Variants in MYCBP2 observed in about 807,000 individuals in gnomAD.
MYCBP2 encodes the protein MYC binding protein 2, also known as E3 ubiquitin-protein ligase MYCBP2.
Under a neutral mutation model 525.3 loss-of-function variants are expected in MYCBP2, and 120 were observed. The observed-to-expected ratio is 0.23, with a 90% CI of 0.20 to 0.27. The LOEUF is 0.27. Among genes scored for constraint, MYCBP2 ranks in the 10% least tolerant of loss-of-function variants. The pLI is 1.00. For synonymous variants in MYCBP2, 1,894 were observed against 1,955.8 expected (o/e 0.97, Z 0.83); for missense variants, 4,149 against 5,657.1 (o/e 0.73, Z 8.55).
chr13:77,052,180 T>C (rs1165091483), intron 80 of MYCBP2, among the ~76,000 whole-genome samples: 1 of 152,090 alleles, frequency 6.6e-6, no homozygotes, highest in Admixed American at 6.6e-5. Flanking sequence ...TTCCCTTCTC[T>C]TCTCTTCTCC....
At chr13:77,302,348 T>C (rs2078893993) in intron 1 of MYCBP2, among the ~76,000 whole-genome samples, 2 of 132,338 alleles carry the variant, frequency 1.5e-5, no homozygotes, top group Admixed American at 1.7e-4. Flanking sequence ...ATTGATAGTT[T>C]CCATTCTTTG....
rs766600295 is a variant in MYCBP2, at chr13:77,067,598, C to T, written c.12438G>A (p.Pro4146=). The change falls in exon 71 of 83, where the codon CCG becomes CCA. Residue 4146 remains proline, a synonymous_variant. Coordinates refer to ENST00000544440, the MANE Select transcript of MYCBP2 (RefSeq NM_015057.5). ...TAACTAACCTGGAATTGAAAATCATCGGAAGAGTAACTGTTGTAACTCCTT... is the reference window on the plus strand; with the variant it reads ...TAACTAACCTGGAATTGAAAATCATTGGAAGAGTAACTGTTGTAACTCCTT... ...VGKGVTTVTL[P]MIFNSSYLRR... 123 of 1,613,864 alleles carry T rather than the reference C, an allele frequency of 7.6e-5. No homozygotes were observed. Among genetic ancestry groups the T allele is most frequent in the Non-Finnish European group, 8.4e-5 (99 of 1,179,880 alleles).
chr13:77,274,284 C>G (rs986766220), intron 4 of MYCBP2, among the ~76,000 whole-genome samples: 2 of 152,090 alleles, frequency 1.3e-5, no homozygotes, highest in African/African-American at 4.8e-5. Context: ...AGATGAAACA[C>G]ACACACACAC....
intron 24 of MYCBP2, among the ~76,000 whole-genome samples, chr13:77,206,178 C>T (rs2063314450): frequency 6.6e-6 from 1 of 151,712 alleles, no homozygotes; most frequent in Non-Finnish European, 1.5e-5. Context: ...TAATATATTG[C>T]ACTACATCTC....
At chr13:77,301,448 A>AC (rs1314027597) in intron 1 of MYCBP2, among the ~76,000 whole-genome samples, 4,066 of 113,874 alleles carry the variant, frequency 0.036, 782 homozygotes, top group Non-Finnish European at 0.058. Flanking sequence ...AAAAAAAAAA[A>AC]AGAGGCTGGG....
Position 77,125,395 on chromosome 13 carries a change from C to T in MYCBP2, c.7958G>A (p.Gly2653Glu). 1.2e-6 allele frequency: 2 copies of T among 1,614,032 alleles called. No individual in the cohort carries two copies. Among genetic ancestry groups the T allele is most frequent in the Non-Finnish European group, 1.7e-6 (2 of 1,179,908 alleles). ...SMVEFCESDEGEAWSLARDRG... is the reference protein window; with the variant it reads ...SMVEFCESDEEEAWSLARDRG... ...GTCTCTAGCTAAGGACCATGCCTCTCCTTCATCACTCTCACAGAACTCTAC... is the reference window on the plus strand; with the variant it reads ...GTCTCTAGCTAAGGACCATGCCTCTTCTTCATCACTCTCACAGAACTCTAC... The change falls in exon 54 of 83, where the codon GGA (glycine) becomes GAA (glutamate). Residue 2653 changes from glycine to glutamate, a missense_variant. Around this residue, in one of 21 missense-constraint regions of MYCBP2, gnomAD observed 653 missense variants for 744.7 expected, o/e 0.88. Coordinates refer to ENST00000544440, the MANE Select transcript of MYCBP2 (RefSeq NM_015057.5).
chr13:77,212,009 A>G lies in MYCBP2; in HGVS notation c.3209T>C (p.Ile1070Thr), dbSNP rs772175822. 4 of 1,614,118 alleles carry G rather than the reference A, an allele frequency of 2.5e-6. No individual in the cohort carries two copies. Among genetic ancestry groups the G allele is most frequent in the Non-Finnish European group, 2.5e-6 (3 of 1,179,968 alleles). The change falls in exon 22 of 83, where the codon ATT becomes ACT. Residue 1070 changes from isoleucine (I) to threonine (T), a missense_variant. Ile to Thr is a moderately conservative substitution (Grantham distance 89). Coordinates refer to ENST00000544440, the MANE Select transcript of MYCBP2 (RefSeq NM_015057.5). ...TGATGTAGCAAGTACATGAGAATTAATAAGTGCTTCATCAATTCGTAAAAA... is the reference window on the plus strand; with the variant it reads ...TGATGTAGCAAGTACATGAGAATTAGTAAGTGCTTCATCAATTCGTAAAAA... ...QTFLRIDEAL[I>T]NSHVLATSEI...
At chr13:77,102,172 A>G (rs1442751739) in intron 55 of MYCBP2, among the ~76,000 whole-genome samples, 3 of 151,868 alleles carry the variant, frequency 2.0e-5, no homozygotes. Flanking sequence ...GGATCATACT[A>G]TATCATAATA....
intron 43 of MYCBP2, 67 bp from the exon 44 acceptor site, chr13:77,162,022 T>G (rs1251703033): frequency 9.8e-7 from 1 of 1,017,628 alleles, no homozygotes; most frequent in Non-Finnish European, 1.5e-6. Flanking sequence ...TTTCTAGTCC[T>G]TTGCATTCAT....
At chr13:77,202,978 C>T (rs1049641082) in intron 26 of MYCBP2, among the ~76,000 whole-genome samples, 8 of 151,808 alleles carry the variant, frequency 5.3e-5, no homozygotes, top group Admixed American at 3.3e-4. Flanking sequence ...CCTTTGAAAA[C>T]TGGCACAAGA....
intron 3 of MYCBP2, among the ~76,000 whole-genome samples, chr13:77,286,735 A>G (rs549355772): frequency 5.0e-4 from 48 of 95,164 alleles, no homozygotes; most frequent in Non-Finnish European, 7.1e-4. Context: ...CAGCCTGGGC[A>G]ACAGAGCTAG....
intron 15 of MYCBP2, among the ~76,000 whole-genome samples, chr13:77,250,409 T>G (rs1475172152): frequency 6.6e-6 from 1 of 152,198 alleles, no homozygotes; most frequent in Non-Finnish European, 1.5e-5. Flanking sequence ...GATGGCTGTC[T>G]TCCTTCTGGG....
At position 77,121,901 on chromosome 13, in the gene MYCBP2, T is replaced by C. The variant is rs148238922; in HGVS notation, c.8018-406A>G. ...AGTATTTTGCATATTAGTATTAGAA[T>C]AGAGAAAAAAACTAAGTATCTAGTA... On this transcript the variant is annotated intron_variant, in intron 54 of 82. Coordinates refer to ENST00000544440, the MANE Select transcript of MYCBP2 (RefSeq NM_015057.5). Among the ~76,000 whole-genome samples, 13 of 152,192 alleles carry C rather than the reference T, an allele frequency of 8.5e-5. No individual in the cohort carries two copies. In the East Asian group the frequency reaches 2.3e-3, roughly 27 times the overall value.
chr13:77,183,552 T>C lies in MYCBP2; in HGVS notation c.4719+1551A>G, dbSNP rs914267855. Among the ~76,000 whole-genome samples, 113 of 125,670 alleles carry C rather than the reference T, an allele frequency of 9.0e-4. 1 individual carries two copies. Among genetic ancestry groups the C allele is most frequent in the African/African-American group, 3.0e-3 (103 of 33,920 alleles). The allele number at this position is 125,670 out of a possible 152,430, so 82.4% of individuals were successfully genotyped here. On this transcript the variant is annotated intron_variant, in intron 32 of 82. Coordinates refer to ENST00000544440, the MANE Select transcript of MYCBP2 (RefSeq NM_015057.5). The stretch of plus-strand genomic sequence containing the variant: ...GATAGTCCCTATTTCTTTTTTTTTT[T>C]TTTTTTTTTTTTTTTTTTGAGATGG...
intron 1 of MYCBP2, among the ~76,000 whole-genome samples, chr13:77,322,491 C>T (rs1456902637): frequency 6.6e-6 from 1 of 152,194 alleles, no homozygotes; most frequent in Non-Finnish European, 1.5e-5. Flanking sequence ...CCTAAATCAA[C>T]TCAACTAGGT....
chr13:77,156,268 T>A, intron 45 of MYCBP2, 66 bp from the exon 46 acceptor site: 1 of 1,436,144 alleles, frequency 7.0e-7, no homozygotes, highest in South Asian at 1.4e-5. Context: ...ACAATTAATA[T>A]AAAATTAAGC....
At chr13:77,219,139 C>T (rs1268682495) in intron 20 of MYCBP2, among the ~76,000 whole-genome samples, 1 of 152,076 alleles carries the variant, frequency 6.6e-6, no homozygotes, top group Non-Finnish European at 1.5e-5. Context: ...TTATGAGTCT[C>T]TTCTAACATT....
chr13:77,241,428 C>G (rs780310839), intron 17 of MYCBP2, among the ~76,000 whole-genome samples: 1 of 152,058 alleles, frequency 6.6e-6, no homozygotes, highest in East Asian at 1.9e-4. Context: ...TAGGTTCATT[C>G]ATGTCGCTCA....
At chr13:77,277,802 T>C (rs950010624) in intron 4 of MYCBP2, among the ~76,000 whole-genome samples, 6 of 152,178 alleles carry the variant, frequency 3.9e-5, no homozygotes, top group African/African-American at 1.4e-4. Flanking sequence ...GAACCACAGC[T>C]CTAGTACTTC....
Sources: gnomAD v4.1 joint callset for allele counts (sites outside exome capture counted in the v4.1 genomes callset) on GRCh38, gnomAD v4.1.1 for gene constraint, gnomAD v4.1.1 regional missense constraint, MANE v1.5 for transcripts, NCBI Gene and HGNC (gene_info 2026-07-23, HGNC 2026-07-21) for gene names.